Variants in ZNF664 observed in about 807,000 individuals in gnomAD.
The protein encoded by ZNF664 is zinc finger Organ of Corti 1.
In ZNF664, 10 loss-of-function variants were observed where a neutral mutation model predicts 18.2. The ratio of observed to expected loss-of-function variants is 0.55; its 90% CI spans 0.34 to 0.93. ZNF664 has a LOEUF of 0.93. ZNF664 is among the 40% of genes least tolerant of loss of function. ZNF664 has a pLI of 0.02. For synonymous variants in ZNF664, 119 were observed against 104.2 expected, an observed-to-expected ratio of 1.14 and a Z score of -0.86; for missense variants, 193 against 319.0, an observed-to-expected ratio of 0.61 and a Z score of 3.01.
At chr12:124,009,474 CTTATTTATTTTAT>C (rs1170937853) in intron 3 of ZNF664, among the ~76,000 whole-genome samples, 9 of 151,896 alleles carry the variant, frequency 5.9e-5, no homozygotes, top group South Asian at 4.2e-4. Context: ...TTTCACCATG[CTTATTTATTTTAT>C]TTATTTATTT....
chr12:123,998,651 C>G (rs1321495322), intron 3 of ZNF664: 1 of 152,364 alleles, frequency 6.6e-6, no homozygotes, highest in African/African-American at 2.4e-5. Context: ...CCTGGCTCAT[C>G]AGCTGTAATG....
In ZNF664 at chr12:124,012,090, C is replaced by A; in HGVS notation, c.-55C>A. 6.5e-7 allele frequency: 1 copy of A among 1,549,452 alleles called. No homozygotes were observed. The highest frequency in any genetic ancestry group is 1.3e-5 in the South Asian group (1 of 77,654). ...ACTCTATGAAATAACAGTCTTGTAA[C>A]TGTAGTAATCATAAGGAAATTTTCT... On this transcript the variant is annotated 5_prime_UTR_variant, in exon 5 of 5. The change creates a new upstream start codon in the 5' untranslated region. Transcript: ENST00000337815.
At chr12:123,981,052 T>C (rs1369594520) in intron 2 of ZNF664, among the ~76,000 whole-genome samples, 1 of 152,100 alleles carries the variant, frequency 6.6e-6, no homozygotes, top group Non-Finnish European at 1.5e-5. Context: ...AAGGTTACAT[T>C]AGAGTAGATA....
At chr12:123,973,515 A>G in intron 1 of ZNF664, 163 bp downstream of exon 1, 1 of 426,424 alleles carries the variant, frequency 2.3e-6, no homozygotes, top group Non-Finnish European at 3.1e-6. Context: ...GGGGAAGGTC[A>G]GAGCGGCTCC....
rs1957158204 is a variant in ZNF664, at chr12:124,013,577, T to C, written c.*647T>C. 5.9e-6 allele frequency: 1 copy of C among 168,330 alleles called. No individual in the cohort carries two copies. The highest frequency in any genetic ancestry group is 1.4e-5 in the Non-Finnish European group (1 of 69,052). 10.4% of individuals were successfully genotyped at this position (168,330 alleles called of 1,614,324 possible). ...ATCAGAAAAGTCATTGGCAGACATA[T>C]ATGTCCTTGAACCTTTTTTATTTGT... is the stretch of plus-strand genomic sequence containing the variant. On this transcript the variant is annotated 3_prime_UTR_variant, in exon 5 of 5. Transcript: ENST00000337815.
chr12:123,974,073 C>A lies in ZNF664; in HGVS notation c.-757+53C>A, dbSNP rs1392243607. On this transcript the variant is annotated intron_variant, in intron 2 of 4. Coordinates refer to ENST00000337815, the MANE Select transcript of ZNF664 (RefSeq NM_152437.3). ...TCCCTCTGACTCCCGCCTCCGCAGG[C>A]GTTCTCACCCCTTCCAGGACTCGAC... 4 of 1,201,898 alleles carry A rather than the reference C, an allele frequency of 3.3e-6. No homozygotes were observed. The African/African-American group carries it at 4.7e-5, about 14-fold the overall frequency. 74.5% of individuals were successfully genotyped at this position (1,201,898 alleles called of 1,614,324 possible).
At chr12:123,997,159 C>T (rs1566203055) in intron 3 of ZNF664, among the ~76,000 whole-genome samples, 3 of 152,112 alleles carry the variant, frequency 2.0e-5, no homozygotes, top group Non-Finnish European at 4.4e-5. Flanking sequence ...GAAATGACTC[C>T]GGGTTTTTAG....
At chr12:123,982,869 T>TA (rs1223751975) in intron 2 of ZNF664, among the ~76,000 whole-genome samples, 1 of 140,418 alleles carries the variant, frequency 7.1e-6, no homozygotes, top group African/African-American at 3.2e-5. Flanking sequence ...TTGAAAGTTG[T>TA]GTCTACTGGG....
intron 1 of ZNF664, 186 bp downstream of exon 1, chr12:123,973,538 G>A: frequency 2.7e-6 from 1 of 375,674 alleles, no homozygotes; most frequent in Non-Finnish European, 3.7e-6. Context: ...GCAGCCTGGC[G>A]GGTCCCGGGC....
rs879762819 is a variant in ZNF664 at position 123,976,786 on chromosome 12, TAAAA to T, written c.-757+2775_-757+2778del. On this transcript the variant is annotated intron_variant, in intron 2 of 4. Coordinates refer to ENST00000337815, the MANE Select transcript of ZNF664 (RefSeq NM_152437.3). Reference sequence around the variant, plus strand: ...CACTAAGGTCAAATCAATGTTTGATTAAAAAAAAAAAAGATCCTGGCCATGCACA... The same window carrying T: ...CACTAAGGTCAAATCAATGTTTGATTAAAAAAAAGATCCTGGCCATGCACA... 2.1e-5 allele frequency among the ~76,000 whole-genome samples: 3 copies of T among 143,552 alleles called. No homozygotes were observed. The South Asian group carries it at 6.6e-4, about 32-fold the overall frequency. 94.2% of individuals were successfully genotyped at this position (143,552 alleles called of 152,430 possible). A position where few individuals can be genotyped will look rare whatever the true frequency, so the allele number is the denominator to read the frequency against.
intron 1 of ZNF664, chr12:123,973,589 C>A: frequency 2.7e-6 from 1 of 375,064 alleles, no homozygotes; most frequent in Non-Finnish European, 3.7e-6. Context: ...CGGCCGCGGG[C>A]CCGCAGTGCG....
intron 1 of ZNF664, 83 bp downstream of exon 1, chr12:123,973,435 G>A (rs1007215647): frequency 3.8e-6 from 3 of 779,830 alleles, no homozygotes; most frequent in African/African-American, 1.9e-5. Flanking sequence ...CGGGCTGGGG[G>A]TGGGAAGGAG....
At chr12:124,009,885 CTTT>C (rs11337740) in intron 3 of ZNF664, among the ~76,000 whole-genome samples, 24 of 143,730 alleles carry the variant, frequency 1.7e-4, no homozygotes, top group Non-Finnish European at 2.4e-4. Flanking sequence ...TATTGTGTAC[CTTT>C]TTTTTTTTTT....
At chr12:124,009,463 C>G (rs1413800291) in intron 3 of ZNF664, among the ~76,000 whole-genome samples, 2 of 151,840 alleles carry the variant, frequency 1.3e-5, no homozygotes, top group African/African-American at 4.8e-5. Flanking sequence ...TCTGGATTAT[C>G]TTTCACCATG....
chr12:124,006,982 G>C (rs1187415), intron 3 of ZNF664, among the ~76,000 whole-genome samples: 92,882 of 152,000 alleles, frequency 0.61, 29,566 homozygotes, highest in East Asian at 0.91. Flanking sequence ...TCCATAACCT[G>C]TATCTGCCTC....
chr12:123,975,190 AGGTT>A (rs1330371352), intron 2 of ZNF664, among the ~76,000 whole-genome samples: 2 of 152,158 alleles, frequency 1.3e-5, no homozygotes, highest in Non-Finnish European at 2.9e-5. Flanking sequence ...GTATATATAA[AGGTT>A]GGTTTTATTA....
Position 124,012,695 on chromosome 12 carries a change from C to T in ZNF664, c.551C>T (p.Ser184Leu), listed in dbSNP as rs767125869. The change falls in exon 5 of 5, where the codon TCG (serine) becomes TTG (leucine). Residue 184 changes from serine to leucine, a missense_variant. Physicochemically the swap from Ser to Leu is moderately radical, Grantham distance 145. Transcript: ENST00000337815. ...YECGKAFSQSSSLCIHQRVHT... is the reference protein window; with the variant it reads ...YECGKAFSQSLSLCIHQRVHT... ...TGTGGGAAGGCGTTCAGTCAGAGTT[C>T]GAGCCTCTGCATCCACCAGAGAGTC... is the stretch of plus-strand genomic sequence containing the variant. 6 of 1,614,054 alleles carry T rather than the reference C, an allele frequency of 3.7e-6. No homozygotes were observed. The highest frequency in any genetic ancestry group is 2.2e-5 in the South Asian group (2 of 91,072).
At chr12:124,002,440 G>A (rs1218300863) in intron 3 of ZNF664, among the ~76,000 whole-genome samples, 1 of 152,224 alleles carries the variant, frequency 6.6e-6, no homozygotes, top group Non-Finnish European at 1.5e-5. Flanking sequence ...TAAAAGATAA[G>A]GGTGACTACT....
intron 3 of ZNF664, among the ~76,000 whole-genome samples, chr12:123,994,178 G>T (rs946714906): frequency 4.0e-5 from 6 of 149,684 alleles, no homozygotes; most frequent in Admixed American, 4.0e-4. Context: ...CACATAAGTG[G>T]TCATCTTACA....
Sources: gnomAD v4.1 joint callset for allele counts (sites outside exome capture counted in the v4.1 genomes callset) on GRCh38, gnomAD v4.1.1 for gene constraint, MANE v1.5 for transcripts, NCBI Gene and HGNC (gene_info 2026-07-23, HGNC 2026-07-21) for gene names.